Variants in MYO9A observed in about 807,000 individuals in gnomAD.
The protein encoded by MYO9A is myosin IXA.
In MYO9A, 103 loss-of-function variants were observed where a neutral mutation model predicts 293.3. The ratio of observed to expected loss-of-function variants is 0.35; its 90% confidence interval spans 0.30 to 0.41. The LOEUF (loss-of-function observed/expected upper bound fraction) is 0.41. Ranked by LOEUF, MYO9A falls within the 10% of genes least tolerant of loss-of-function variation. The pLI, the probability that MYO9A is intolerant of heterozygous loss-of-function variation, is 1.00. For missense variants in MYO9A, 2,685 were observed against 3,033.0 expected, an observed-to-expected ratio of 0.89 and a Z score of 2.69; for synonymous variants, 1,001 against 1,035.7, an observed-to-expected ratio of 0.97 and a Z score of 0.64.
chr15:71,978,131 C>CA (rs1198722415), intron 12 of MYO9A, 40 bp downstream of exon 12: 25 of 1,601,790 alleles, frequency 1.6e-5, no homozygotes, highest in Non-Finnish European at 2.0e-5. Context: ...GATAAAAAGC[C>CA]AAAACAGCCA....
chr15:71,904,007 A>C lies in MYO9A; in HGVS notation c.2799T>G (p.Leu933=). 1.9e-6 allele frequency: 3 copies of C among 1,614,024 alleles called. No individual in the cohort carries two copies. The highest frequency in any genetic ancestry group is 2.5e-6 in the Non-Finnish European group (3 of 1,179,974). The change falls in exon 21 of 42, where the codon CTT becomes CTG. Residue 933 remains leucine (L), a synonymous_variant. Transcript: ENST00000356056. ...GCATCCCGGTGTATCGAAGCTGTCT[A>C]AGTACCAAGACATCACTGAACCTTA... ...LPLRFSDVLV[L]RQLRYTGMLE...
intron 7 of MYO9A, among the ~76,000 whole-genome samples, chr15:72,009,727 A>G (rs2077118844): frequency 6.6e-6 from 1 of 152,008 alleles, no homozygotes; most frequent in South Asian, 2.1e-4. Context: ...AAAATTAACA[A>G]TATAATCAGA....
rs2058018525 is a variant in MYO9A at position 71,916,588 on chromosome 15, A to G, written c.2563-96T>C. 7 of 1,185,934 alleles carry G rather than the reference A, an allele frequency of 5.9e-6. No homozygotes were observed. The South Asian group carries it at 1.1e-4, about 18-fold the overall frequency. 73.5% of individuals were successfully genotyped at this position (1,185,934 alleles called of 1,614,324 possible). A position where few individuals can be genotyped will look rare whatever the true frequency, so the allele number is the denominator to read the frequency against. On this transcript the variant is annotated intron_variant, in intron 18 of 41. Transcript: ENST00000356056. ...TTCATCATTTCCTATCTATATGACC[A>G]TTTCCCATCTTAAATGACTGTAGTG...
chr15:72,041,118 GCC>G, intron 2 of MYO9A: 1 of 594,658 alleles, frequency 1.7e-6, no homozygotes, highest in Admixed American at 2.0e-5. Flanking sequence ...GGTGGTACAT[GCC>G]TATAATCCCA....
At chr15:72,061,593 A>C (rs901436679) in intron 1 of MYO9A, among the ~76,000 whole-genome samples, 1 of 151,306 alleles carries the variant, frequency 6.6e-6, no homozygotes, top group African/African-American at 2.4e-5. Flanking sequence ...ACAGGGAGAG[A>C]CTCCTTCTGC....
rs766561831 is a variant in MYO9A at position 71,826,958 on chromosome 15, T to C, written c.7269A>G (p.Gln2423=). 7.4e-6 allele frequency: 12 copies of C among 1,613,872 alleles called. No homozygotes were observed. The highest frequency in any genetic ancestry group is 9.3e-6 in the Non-Finnish European group (11 of 1,179,904). ...SKLRKQLKKQ[Q]DSLDVVDSSV... ...AAGAGTCCACGACATCTAAAGAGTC[T>C]TGCTGCTTTTTAAGTTGCTTTCGCA... is the stretch of plus-strand genomic sequence containing the variant. Residue 2423 remains glutamine, a synonymous_variant, in exon 42 of 42, where the codon CAA becomes CAG. Transcript: ENST00000356056.
chr15:72,078,626 C>T (rs1245725270), intron 1 of MYO9A, among the ~76,000 whole-genome samples: 2 of 152,094 alleles, frequency 1.3e-5, no homozygotes, highest in Non-Finnish European at 2.9e-5. Flanking sequence ...CCAGCCTGGG[C>T]AATATGGTGA....
chr15:72,116,219 CTT>C (rs1441090022), intron 1 of MYO9A, among the ~76,000 whole-genome samples: 1 of 152,150 alleles, frequency 6.6e-6, no homozygotes, highest in East Asian at 1.9e-4. Flanking sequence ...TCTTCCGAAA[CTT>C]TTGGCTTTTA....
intron 1 of MYO9A, among the ~76,000 whole-genome samples, chr15:72,094,899 A>T (rs1313775241): frequency 6.6e-5 from 6 of 91,532 alleles, no homozygotes; most frequent in African/African-American, 1.5e-4. Context: ...AGGCACCAAA[A>T]ATCATGACCA....
Position 71,823,673 on chromosome 15 carries a change from T to TAA in MYO9A, c.*2905_*2906dup, listed in dbSNP as rs917688346. 2.0e-5 allele frequency: 3 copies of TAA among 152,252 alleles called. No individual in the cohort carries two copies. The highest frequency in any genetic ancestry group is 7.2e-5 in the African/African-American group (3 of 41,460). 9.4% of individuals were successfully genotyped at this position (152,252 alleles called of 1,614,324 possible). On this transcript the variant is annotated 3_prime_UTR_variant, in exon 42 of 42. Coordinates refer to ENST00000356056, the MANE Select transcript of MYO9A (RefSeq NM_006901.4). ...TCTGCTTTTGTTACATTTTCCATAA[T>TAA]AAGTACATACTAAATTACAGGGATA...
intron 1 of MYO9A, among the ~76,000 whole-genome samples, chr15:72,083,542 G>A (rs2079618220): frequency 1.3e-5 from 2 of 152,074 alleles, no homozygotes; most frequent in African/African-American, 4.8e-5. Context: ...CTTGTATGCT[G>A]CAAGTTTGGG....
intron 10 of MYO9A, among the ~76,000 whole-genome samples, chr15:71,992,668 C>G (rs1300248659): frequency 6.6e-6 from 1 of 151,996 alleles, no homozygotes; most frequent in East Asian, 1.9e-4. Context: ...TAAAAGGTGA[C>G]ATTTTTAATC....
intron 39 of MYO9A, among the ~76,000 whole-genome samples, chr15:71,841,025 A>G (rs1297129177): frequency 6.6e-6 from 1 of 152,210 alleles, no homozygotes; most frequent in Non-Finnish European, 1.5e-5. Flanking sequence ...TGTACAATAT[A>G]CAAATGGGCA....
intron 1 of MYO9A, among the ~76,000 whole-genome samples, chr15:72,115,592 T>A (rs956927767): frequency 6.6e-6 from 1 of 152,232 alleles, no homozygotes; most frequent in African/African-American, 2.4e-5. Flanking sequence ...AACCCTAATA[T>A]TCCTGGCCTT....
intron 7 of MYO9A, among the ~76,000 whole-genome samples, chr15:72,009,076 C>T (rs933935188): frequency 1.3e-5 from 2 of 151,974 alleles, no homozygotes; most frequent in Non-Finnish European, 2.9e-5. Context: ...AAATACAAGT[C>T]TATTATAAAA....
At chr15:71,986,472 C>T (rs1247037490) in intron 11 of MYO9A, among the ~76,000 whole-genome samples, 1 of 152,194 alleles carries the variant, frequency 6.6e-6, no homozygotes, top group Non-Finnish European at 1.5e-5. Flanking sequence ...ATGTGCCACA[C>T]AAACACATTT....
At chr15:71,956,210 T>C (rs1291924001) in intron 14 of MYO9A, among the ~76,000 whole-genome samples, 15 of 148,608 alleles carry the variant, frequency 1.0e-4, no homozygotes, top group Admixed American at 1.0e-3. Context: ...CTTGAGATGC[T>C]GAAGCAGGAA....
At chr15:71,843,227 G>C (rs927629143) in intron 39 of MYO9A, among the ~76,000 whole-genome samples, 1 of 151,796 alleles carries the variant, frequency 6.6e-6, no homozygotes. Flanking sequence ...TCAGGAGTTC[G>C]AGACCAGCCT....
At position 71,994,580 on chromosome 15, in the gene MYO9A, C is replaced by T. The variant is rs367833003; in HGVS notation, c.1476G>A (p.Val492=). 6.0e-5 allele frequency: 95 copies of T among 1,586,324 alleles called. No homozygotes were observed. The highest frequency in any genetic ancestry group is 7.5e-5 in the Non-Finnish European group (88 of 1,169,420). The part of the protein sequence containing the change: ...LILPYKLAEA[V]TVRNSMAKSL... ...ACTTAGCCATGGAGTTCCTCACTGT[C>T]ACAGCCTGAAAAACAAAAGCATTAC... The change falls in exon 10 of 42, where the codon GTG becomes GTA. Residue 492 remains valine, a synonymous_variant. Coordinates refer to ENST00000356056, the MANE Select transcript of MYO9A (RefSeq NM_006901.4).
Sources: gnomAD v4.1 joint callset for allele counts (sites outside exome capture counted in the v4.1 genomes callset) on GRCh38, gnomAD v4.1.1 for gene constraint, MANE v1.5 for transcripts, NCBI Gene and HGNC (gene_info 2026-07-23, HGNC 2026-07-21) for gene names.